Variants in EDIL3 observed in about 807,000 individuals in gnomAD.
EDIL3 encodes EGF like and discoidin domains 3.
EDIL3 carries 37 observed loss-of-function variants against 67.4 expected under a neutral mutation model. The ratio of observed to expected loss-of-function variants is 0.55; its 90% CI spans 0.42 to 0.72. The LOEUF (loss-of-function observed/expected upper bound fraction) is 0.72. EDIL3 is among the 30% of genes least tolerant of loss of function. The pLI is 0.00. For missense variants in EDIL3, 527 were observed against 586.3 expected (o/e 0.90, Z 1.04); for synonymous variants, 195 against 196.3 (o/e 0.99, Z 0.05).
At chr5:84,218,714 TCAC>T (rs1490597404) in intron 3 of EDIL3, among the ~76,000 whole-genome samples, 3 of 152,228 alleles carry the variant, frequency 2.0e-5, no homozygotes, top group East Asian at 1.9e-4. Context: ...CTGGCAGCAC[TCAC>T]CACAAGTTGA....
chr5:84,082,679 T>C (rs931136995), intron 6 of EDIL3, among the ~76,000 whole-genome samples: 2 of 152,226 alleles, frequency 1.3e-5, no homozygotes, highest in Non-Finnish European at 2.9e-5. Context: ...CATTGTCACA[T>C]TGAAATACAT....
chr5:84,344,133 GCACC>G (rs1279011061), intron 1 of EDIL3, among the ~76,000 whole-genome samples: 1 of 152,032 alleles, frequency 6.6e-6, no homozygotes, highest in Non-Finnish European at 1.5e-5. Context: ...TAGAGGAAAG[GCACC>G]CAGTATAGAC....
chr5:84,064,672 A>T, intron 8 of EDIL3, 28 bp downstream of exon 8: 1 of 1,599,628 alleles, frequency 6.3e-7, no homozygotes, highest in South Asian at 1.1e-5. Context: ...TTTAAATAGA[A>T]TACAGAAATA....
chr5:84,233,007 C>A (rs2112046939), intron 2 of EDIL3, among the ~76,000 whole-genome samples: 1 of 152,188 alleles, frequency 6.6e-6, no homozygotes, highest in Non-Finnish European at 1.5e-5. Context: ...GTCATAAAAT[C>A]AGCAATTAAA....
intron 9 of EDIL3, among the ~76,000 whole-genome samples, chr5:84,051,547 G>C (rs528003041): frequency 6.6e-6 from 1 of 152,114 alleles, no homozygotes; most frequent in South Asian, 2.1e-4. Context: ...TTGCAAAGAA[G>C]CTAAAAACCT....
At chr5:84,106,273 C>A (rs929013456) in intron 6 of EDIL3, among the ~76,000 whole-genome samples, 13 of 151,992 alleles carry the variant, frequency 8.6e-5, no homozygotes, top group Admixed American at 6.6e-5. Flanking sequence ...CATTTGTGGA[C>A]CCACTTCTTA....
chr5:84,176,019 A>C (rs1354516067), intron 4 of EDIL3, among the ~76,000 whole-genome samples: 3 of 151,612 alleles, frequency 2.0e-5, no homozygotes, highest in Non-Finnish European at 2.9e-5. Context: ...TGAAATATGG[A>C]AGTTACAAAA....
At position 84,066,548 on chromosome 5, in the gene EDIL3, A is replaced by G. The variant is rs751565174; in HGVS notation, c.710T>C (p.Ile237Thr). 7 of 1,613,576 alleles carry G rather than the reference A, an allele frequency of 4.3e-6. No individual in the cohort carries two copies. The East Asian group carries it at 1.3e-4, about 31-fold the overall frequency. The change falls in exon 7 of 11, where the codon ATT becomes ACT. Residue 237 changes from isoleucine to threonine, a missense_variant. Ile to Thr is a moderately conservative substitution (Grantham distance 89, BLOSUM62 -1). Transcript: ENST00000296591. ...TGVITQGAKR[I>T]GSPEYIKSYK... is the part of the protein sequence containing the mutation. ...GGATTTTATATACTCTGGGCTTCCA[A>G]TCCTCTTGGCTCCTTGGGTAATCAC...
At chr5:84,117,032 T>TTA (rs1446977392) in intron 5 of EDIL3, among the ~76,000 whole-genome samples, 41 of 134,910 alleles carry the variant, frequency 3.0e-4, no homozygotes, top group African/African-American at 1.2e-3. Flanking sequence ...TTTTTTTTTT[T>TTA]TTTTTTTTTT....
chr5:84,034,435 C>CA (rs1745982249), intron 9 of EDIL3, among the ~76,000 whole-genome samples: 1 of 152,062 alleles, frequency 6.6e-6, no homozygotes, highest in Non-Finnish European at 1.5e-5. Flanking sequence ...ATAATGGAAA[C>CA]TTTATGCAAC....
intron 6 of EDIL3, among the ~76,000 whole-genome samples, chr5:84,067,275 C>T (rs1177365380): frequency 6.6e-6 from 1 of 152,074 alleles, no homozygotes; most frequent in Non-Finnish European, 1.5e-5. Flanking sequence ...AATCCCTTTA[C>T]AACAGTTTGC....
At chr5:84,206,240 T>C (rs1273080714) in intron 3 of EDIL3, among the ~76,000 whole-genome samples, 29 of 152,316 alleles carry the variant, frequency 1.9e-4, no homozygotes, top group South Asian at 8.3e-4. Context: ...AGTTTCTTAA[T>C]CCTGAGTTCT....
intron 6 of EDIL3, among the ~76,000 whole-genome samples, chr5:84,074,491 C>T (rs1251959854): frequency 6.6e-6 from 1 of 152,044 alleles, no homozygotes; most frequent in East Asian, 1.9e-4. Context: ...TGAACTCAAA[C>T]AAATTTACAA....
chr5:84,170,488 G>C (rs770361003), intron 4 of EDIL3, among the ~76,000 whole-genome samples: 4 of 152,196 alleles, frequency 2.6e-5, no homozygotes, highest in Admixed American at 2.6e-4. Flanking sequence ...AACAACAGCA[G>C]TGGTATTCTG....
intron 1 of EDIL3, among the ~76,000 whole-genome samples, chr5:84,275,084 G>A (rs1260799938): frequency 6.6e-6 from 1 of 152,124 alleles, no homozygotes; most frequent in African/African-American, 2.4e-5. Context: ...CAGCCAGGTG[G>A]CGGCACATTT....
chr5:84,101,111 C>T (rs942771654), intron 6 of EDIL3, among the ~76,000 whole-genome samples: 1 of 152,018 alleles, frequency 6.6e-6, no homozygotes, highest in East Asian at 1.9e-4. Context: ...ACTACATATC[C>T]TCCAATGGTA....
chr5:84,024,355 C>T (rs1745775272), intron 9 of EDIL3, among the ~76,000 whole-genome samples: 1 of 152,128 alleles, frequency 6.6e-6, no homozygotes, highest in African/African-American at 2.4e-5. Context: ...AATAAGCTTC[C>T]TTTAGCATCA....
At chr5:84,022,394 C>T (rs1188828823) in intron 9 of EDIL3, among the ~76,000 whole-genome samples, 1 of 151,742 alleles carries the variant, frequency 6.6e-6, no homozygotes, top group Non-Finnish European at 1.5e-5. Context: ...TCTCAAGAAA[C>T]TAGGCATTAA....
intron 1 of EDIL3, among the ~76,000 whole-genome samples, chr5:84,379,281 A>G (rs1340933769): frequency 6.6e-6 from 1 of 152,190 alleles, no homozygotes; most frequent in East Asian, 1.9e-4. Flanking sequence ...AGTCCCTGAC[A>G]TCAATTGATG....
Sources: allele counts gnomAD v4.1 joint callset (sites outside exome capture counted in the v4.1 genomes callset), GRCh38; gene constraint gnomAD v4.1.1; transcripts MANE v1.5; gene names NCBI Gene and HGNC (gene_info 2026-07-23, HGNC 2026-07-21).